The following SPEG variants were observed in gnomAD, a reference collection of about 807,000 sequenced individuals.
The protein encoded by SPEG is striated muscle enriched protein kinase.
SPEG carries 114 observed loss-of-function variants against 300.4 expected under a neutral mutation model. The observed-to-expected ratio is 0.38, with a 90% CI of 0.33 to 0.44. SPEG has a LOEUF of 0.44. Ranked by LOEUF, SPEG falls within the 20% of genes least tolerant of loss-of-function variation. The probability of loss-of-function intolerance (pLI) is 1.00; values close to 1 mark genes in which losing one functional copy is unlikely to be tolerated. For synonymous variants in SPEG, 1,964 were observed against 2,018.9 expected, an observed-to-expected ratio of 0.97 and a Z score of 0.73; for missense variants, 4,201 against 4,586.2, an observed-to-expected ratio of 0.92 and a Z score of 2.43.
intron 6 of SPEG, among the ~76,000 whole-genome samples, chr2:219,456,888 G>A (rs1337798431): frequency 5.0e-5 from 3 of 59,834 alleles, no homozygotes; most frequent in African/African-American, 1.2e-4. Context: ...CGGCCTGGGC[G>A]ACAGTGCGAG....
intron 6 of SPEG, among the ~76,000 whole-genome samples, chr2:219,454,078 T>G (rs1312437747): frequency 2.6e-5 from 4 of 152,188 alleles, no homozygotes. Context: ...CCTCTTGCTC[T>G]TCATGCTGCC....
intron 36 of SPEG, 117 bp downstream of exon 36, chr2:219,490,056 C>G: frequency 8.2e-7 from 1 of 1,221,318 alleles, no homozygotes; most frequent in Non-Finnish European, 1.1e-6. Flanking sequence ...GTGCTGAGAC[C>G]TGGGTTATTA....
intron 36 of SPEG, 104 bp downstream of exon 36, chr2:219,490,043 G>A: frequency 7.5e-7 from 1 of 1,327,336 alleles, no homozygotes. Context: ...GGGGTGGGGG[G>A]AGGTGCTGAG....
chr2:219,475,190 C>G (rs1472333561), intron 18 of SPEG, among the ~76,000 whole-genome samples: 1 of 152,074 alleles, frequency 6.6e-6, no homozygotes, highest in Non-Finnish European at 1.5e-5. Context: ...TGTTAATTAA[C>G]TCTAGACATA....
At chr2:219,454,848 C>T (rs904183908) in intron 6 of SPEG, among the ~76,000 whole-genome samples, 5 of 152,146 alleles carry the variant, frequency 3.3e-5, no homozygotes, top group Non-Finnish European at 7.3e-5. Flanking sequence ...AATCCCAGCA[C>T]TTTGGGAGGC....
intron 31 of SPEG, among the ~76,000 whole-genome samples, chr2:219,487,774 A>G (rs963305819): frequency 2.0e-5 from 3 of 152,132 alleles, no homozygotes; most frequent in African/African-American, 7.2e-5. Flanking sequence ...ACTCATCTCA[A>G]TTCTCTTCTC....
Position 219,489,688 on chromosome 2 carries a change from G to C in SPEG, c.8670G>C (p.Gly2890=). The C allele has an allele frequency of 6.2e-7, 1 of 1,614,074 alleles. No individual in the cohort carries two copies. The highest frequency in any genetic ancestry group is 8.5e-7 in the Non-Finnish European group (1 of 1,180,012). ...GTPIPASTPQ[G]VKPVSSSTPV... is the part of the protein sequence containing the mutation. ...CGATCCCAGCCTCCACTCCTCAAGG[G>C]GTTAAACCAGTGTCTTCCTCTACTC... Residue 2890 remains glycine, a synonymous_variant, in exon 36 of 41, where the codon GGG becomes GGC. Transcript: ENST00000312358.
In SPEG at chr2:219,464,715, C is replaced by T; in HGVS notation, c.2881+107C>T. 8.5e-7 allele frequency: 1 copy of T among 1,170,156 alleles called. No individual in the cohort carries two copies. Among genetic ancestry groups the T allele is most frequent in the Non-Finnish European group, 1.2e-6 (1 of 823,648 alleles). 72.5% of individuals were successfully genotyped at this position (1,170,156 alleles called of 1,614,324 possible). ...TTAGAGGATGCCACCACTGAAAGGG[C>T]CTTAAGGGGCCCCTAGTCCAGCTGC... On this transcript the variant is annotated intron_variant, in intron 9 of 40. Coordinates refer to ENST00000312358, the MANE Select transcript of SPEG (RefSeq NM_005876.5). This position sits in a 1 kb window ranked among gnomAD's most constrained non-coding sequence, Gnocchi z 4.5.
intron 6 of SPEG, chr2:219,461,337 G>A (rs1012341813): frequency 4.0e-6 from 4 of 988,224 alleles, no homozygotes; most frequent in Non-Finnish European, 3.6e-6. Context: ...AGCTGAGAAG[G>A]GAAAGGGGGA....
At chr2:219,460,722 G>A (rs1212910954) in intron 6 of SPEG, 77 of 981,434 alleles carry the variant, frequency 7.8e-5, no homozygotes, top group Non-Finnish European at 8.5e-5. Context: ...CTGTGGTCTC[G>A]GCAGGCACCA....
intron 32 of SPEG, 78 bp from the exon 33 acceptor site, chr2:219,488,420 T>A (rs1693643467): frequency 2.0e-6 from 3 of 1,506,032 alleles, no homozygotes; most frequent in Non-Finnish European, 2.7e-6. Context: ...GGGGGGATGC[T>A]GGAGTGGGGA....
intron 34 of SPEG, 32 bp downstream of exon 34, chr2:219,488,932 G>T: frequency 6.3e-7 from 1 of 1,581,546 alleles, no homozygotes; most frequent in African/African-American, 1.3e-5. Flanking sequence ...GGTTGGGGGA[G>T]CGGCAGGGGG....
rs377709149 is a variant in SPEG, at chr2:219,492,074, G to A, written c.9462-37G>A. 2.6e-5 allele frequency: 42 copies of A among 1,590,242 alleles called. 1 individual carries two copies. The South Asian group carries it at 2.7e-4, about 10-fold the overall frequency. ...CTTCTGGGTCTGGGTGTTGGCCTCCGGTCTGCATACGTCAATCAAGCTATC... is the reference window on the plus strand; with the variant it reads ...CTTCTGGGTCTGGGTGTTGGCCTCCAGTCTGCATACGTCAATCAAGCTATC... On this transcript the variant is annotated intron_variant, in intron 39 of 40. Coordinates refer to ENST00000312358, the MANE Select transcript of SPEG (RefSeq NM_005876.5).
chr2:219,488,051 T>G (rs1244072687), intron 31 of SPEG, 143 bp from the exon 32 acceptor site: 1 of 636,860 alleles, frequency 1.6e-6, no homozygotes, highest in Admixed American at 2.6e-5. Context: ...TGGCGTGGGG[T>G]TCCACTTTCC....
intron 1 of SPEG, chr2:219,442,007 C>T: frequency 3.5e-6 from 2 of 563,840 alleles, no homozygotes; most frequent in Non-Finnish European, 5.1e-6. Flanking sequence ...CGCCCCCGCC[C>T]GTCCCCTCCT....
chr2:219,462,354 C>T lies in SPEG; in HGVS notation c.2673C>T (p.Arg891=), dbSNP rs765532305. Residue 891 remains arginine (R), a synonymous_variant, in exon 8 of 41, where the codon CGC becomes CGT. Transcript: ENST00000312358. ...REGQDVIMSI[R]VQGEPKPVVS... ...GCCAAGATGTCATCATGAGCATCCG[C>T]GTGCAGGGGGAGCCCAAGCCTGTGG... 28 of 1,565,854 alleles carry T rather than the reference C, an allele frequency of 1.8e-5. No homozygotes were observed. Among genetic ancestry groups the T allele is most frequent in the Admixed American group, 3.7e-5 (2 of 53,602 alleles).
chr2:219,488,053 C>T (rs998242285), intron 31 of SPEG, 141 bp from the exon 32 acceptor site: 3 of 647,432 alleles, frequency 4.6e-6, no homozygotes, highest in Non-Finnish European at 8.3e-6. Flanking sequence ...GCGTGGGGTT[C>T]CACTTTCCAC....
chr2:219,471,789 C>A, intron 13 of SPEG, 79 bp from the exon 14 acceptor site: 1 of 1,568,910 alleles, frequency 6.4e-7, no homozygotes, highest in Non-Finnish European at 8.7e-7. Flanking sequence ...GGTGAGGGAC[C>A]AGGCCCGGGA....
intron 9 of SPEG, chr2:219,465,367 A>T: frequency 6.5e-6 from 1 of 153,092 alleles, no homozygotes; most frequent in Non-Finnish European, 1.5e-5. Context: ...ACCTTCCCCA[A>T]GGCTCAGAGC....
Sources: gnomAD v4.1 joint callset for allele counts (sites outside exome capture counted in the v4.1 genomes callset) on GRCh38, gnomAD v4.1.1 for gene constraint, Gnocchi (gnomAD v3.1) non-coding constraint, MANE v1.5 for transcripts, NCBI Gene and HGNC (gene_info 2026-07-23, HGNC 2026-07-21) for gene names.